The following ZBTB7C variants were observed in gnomAD, a reference collection of about 807,000 sequenced individuals.
The protein encoded by ZBTB7C is zinc finger and BTB domain containing 7C.
A neutral mutation model predicts 25.7 loss-of-function variants in ZBTB7C; 8 were observed. The ratio of observed to expected loss-of-function variants is 0.31; its 90% CI spans 0.18 to 0.56. The LOEUF is 0.56. Among genes scored for constraint, ZBTB7C ranks in the 20% least tolerant of loss-of-function variants. The pLI is 0.91. For synonymous variants in ZBTB7C, 394 were observed against 369.0 expected (o/e 1.07, Z -0.78); for missense variants, 824 against 855.2 (o/e 0.96, Z 0.46).
intron 2 of ZBTB7C, among the ~76,000 whole-genome samples, chr18:48,200,830 T>C (rs2042426831): frequency 6.6e-6 from 1 of 152,202 alleles, no homozygotes; most frequent in African/African-American, 2.4e-5. Flanking sequence ...ATGGGCTCTC[T>C]ATGGGGAAGC....
intron 3 of ZBTB7C, among the ~76,000 whole-genome samples, chr18:48,089,421 G>A (rs2038323820): frequency 1.3e-5 from 2 of 150,848 alleles, no homozygotes; most frequent in Middle Eastern, 3.4e-3. Context: ...GCAGAGAGCC[G>A]AGATCACGCC....
At chr18:48,064,101 G>C (rs1224790542) in intron 3 of ZBTB7C, among the ~76,000 whole-genome samples, 1 of 152,146 alleles carries the variant, frequency 6.6e-6, no homozygotes, top group African/African-American at 2.4e-5. Context: ...ACAGAAGCAG[G>C]GTTGGCTCCA....
intron 2 of ZBTB7C, among the ~76,000 whole-genome samples, chr18:48,259,056 T>A (rs1053819356): frequency 1.3e-5 from 2 of 152,082 alleles, no homozygotes; most frequent in East Asian, 3.9e-4. Context: ...TTTAAGCGAT[T>A]CTCAGACCTC....
chr18:48,391,679 A>C (rs939028641), intron 1 of ZBTB7C, among the ~76,000 whole-genome samples: 1 of 151,810 alleles, frequency 6.6e-6, no homozygotes, highest in Non-Finnish European at 1.5e-5. Context: ...GTTTATCAGA[A>C]CCTCCCAGAA....
chr18:48,292,325 A>C (rs1183804967), intron 2 of ZBTB7C, among the ~76,000 whole-genome samples: 1 of 152,186 alleles, frequency 6.6e-6, no homozygotes, highest in African/African-American at 2.4e-5. Flanking sequence ...AGTGGGCACA[A>C]CTGAGGAACC....
At chr18:48,247,173 C>T (rs924412235) in intron 2 of ZBTB7C, among the ~76,000 whole-genome samples, 8 of 152,160 alleles carry the variant, frequency 5.3e-5, no homozygotes, top group South Asian at 2.1e-4. Context: ...AAAAGAATTC[C>T]GGTTAACAGC....
intron 1 of ZBTB7C, among the ~76,000 whole-genome samples, chr18:48,404,885 C>T (rs2048243015): frequency 6.6e-6 from 1 of 152,214 alleles, no homozygotes. Context: ...CAGCCCTGCC[C>T]TCAAAAGCTC....
At chr18:48,179,728 C>G (rs2041823838) in intron 3 of ZBTB7C, among the ~76,000 whole-genome samples, 1 of 149,872 alleles carries the variant, frequency 6.7e-6, no homozygotes, top group Non-Finnish European at 1.5e-5. Flanking sequence ...ATCCCTCCCT[C>G]CCTCTCTCTC....
intron 2 of ZBTB7C, among the ~76,000 whole-genome samples, chr18:48,276,412 C>T (rs1397952106): frequency 6.8e-6 from 1 of 148,100 alleles, no homozygotes; most frequent in Non-Finnish European, 1.5e-5. Flanking sequence ...AACTCGTCAT[C>T]TAGCATTAGG....
At chr18:48,232,545 C>T (rs1382040646) in intron 2 of ZBTB7C, among the ~76,000 whole-genome samples, 2 of 152,060 alleles carry the variant, frequency 1.3e-5, no homozygotes, top group Non-Finnish European at 2.9e-5. Context: ...TCACCTGGAA[C>T]AGAAGAATCA....
intron 3 of ZBTB7C, among the ~76,000 whole-genome samples, chr18:48,110,886 AAGGGGCTCTC>A (rs1156324456): frequency 6.6e-6 from 1 of 152,144 alleles, no homozygotes; most frequent in African/African-American, 2.4e-5. Flanking sequence ...GAGCAACCTG[AAGGGGCTCTC>A]AGGTGGAAGA....
intron 3 of ZBTB7C, among the ~76,000 whole-genome samples, chr18:48,142,235 T>C (rs2040370420): frequency 6.6e-6 from 1 of 152,238 alleles, no homozygotes; most frequent in Non-Finnish European, 1.5e-5. Flanking sequence ...TTGGGCTTAC[T>C]GGCCTTTGGC....
chr18:48,198,546 C>T (rs921428183), intron 2 of ZBTB7C, among the ~76,000 whole-genome samples: 1 of 152,192 alleles, frequency 6.6e-6, no homozygotes, highest in Non-Finnish European at 1.5e-5. Flanking sequence ...CTTCTAGAGG[C>T]CACCACATTC....
At chr18:48,211,602 T>C (rs1280729922) in intron 2 of ZBTB7C, among the ~76,000 whole-genome samples, 7 of 152,160 alleles carry the variant, frequency 4.6e-5, no homozygotes, top group Admixed American at 4.6e-4. Flanking sequence ...CAACATCATA[T>C]GTCATTAAGG....
intron 2 of ZBTB7C, chr18:48,252,076 G>T (rs915078932): frequency 2.0e-5 from 3 of 151,956 alleles, no homozygotes; most frequent in Non-Finnish European, 4.4e-5. Context: ...ATATAGAAAA[G>T]GTAATCAATA....
intron 3 of ZBTB7C, among the ~76,000 whole-genome samples, chr18:48,138,227 G>A (rs2040234179): frequency 1.3e-5 from 2 of 152,244 alleles, no homozygotes; most frequent in Middle Eastern, 3.2e-3. Context: ...TCTCAAAGGT[G>A]CATTGGCCAT....
intron 1 of ZBTB7C, among the ~76,000 whole-genome samples, chr18:48,359,280 G>C (rs1198665752): frequency 1.3e-5 from 2 of 152,040 alleles, no homozygotes; most frequent in African/African-American, 2.4e-5. Flanking sequence ...TTTTTTCTCT[G>C]TGTCATTTTT....
intron 3 of ZBTB7C, among the ~76,000 whole-genome samples, chr18:48,075,100 C>T (rs527770650): frequency 6.6e-6 from 1 of 152,186 alleles, no homozygotes; most frequent in Non-Finnish European, 1.5e-5. Context: ...TGGCAATTTC[C>T]CCAGGATACA....
In ZBTB7C at chr18:48,249,824, C is replaced by CCCTCT. The variant is rs575882702; in HGVS notation, c.-78-63834_-78-63830dup. Among the ~76,000 whole-genome samples the CCCTCT allele has an allele frequency of 2.4e-3, 372 of 152,218 alleles. 2 individuals are homozygous for CCCTCT. Among genetic ancestry groups the CCCTCT allele is most frequent in the Non-Finnish European group, 3.7e-3 (252 of 68,024 alleles). On this transcript the variant is annotated intron_variant, in intron 2 of 4. Transcript: ENST00000590800. ...TCTTCTTACCACCACTTTTAACACT[C>CCCTCT]CCTCTGCTGTGGAGTTTAAAGGCAA...
Sources: gnomAD v4.1 joint callset for allele counts (sites outside exome capture counted in the v4.1 genomes callset) on GRCh38, gnomAD v4.1.1 for gene constraint, MANE v1.5 for transcripts, NCBI Gene and HGNC (gene_info 2026-07-23, HGNC 2026-07-21) for gene names.